The following PDZRN4 variants were observed in gnomAD, a reference collection of about 807,000 sequenced individuals.
PDZRN4 encodes PDZ domain containing ring finger 4, also known as PDZ domain-containing RING finger protein 4.
Under a neutral mutation model 99.0 loss-of-function variants are expected in PDZRN4, and 70 were observed. The ratio of observed to expected loss-of-function variants is 0.71; its 90% CI spans 0.58 to 0.86. PDZRN4 has a LOEUF of 0.86. Among genes scored for constraint, PDZRN4 ranks in the 40% least tolerant of loss-of-function variants. The pLI, the probability that PDZRN4 is intolerant of heterozygous loss-of-function variation, is 0.00. For synonymous variants in PDZRN4, 551 were observed against 501.6 expected (o/e 1.10, Z -1.32); for missense variants, 1,474 against 1,331.2 (o/e 1.11, Z -1.67).
At chr12:41,452,538 AGAAGC>A (rs1592064867) in intron 3 of PDZRN4, among the ~76,000 whole-genome samples, 1 of 152,274 alleles carries the variant, frequency 6.6e-6, no homozygotes, top group East Asian at 1.9e-4. Context: ...GCTCCAAATA[AGAAGC>A]CATCATGCAT....
intron 3 of PDZRN4, among the ~76,000 whole-genome samples, chr12:41,212,563 A>G (rs1950895510): frequency 6.6e-6 from 1 of 152,022 alleles, no homozygotes; most frequent in South Asian, 2.1e-4. Context: ...TTTATCACTT[A>G]ATAAATGTTT....
chr12:41,447,471 TCTGA>T (rs1952739040), intron 3 of PDZRN4, among the ~76,000 whole-genome samples: 2 of 152,178 alleles, frequency 1.3e-5, no homozygotes, highest in Admixed American at 1.3e-4. Context: ...CAGTCTTCTC[TCTGA>T]CTGTGAGTTA....
chr12:41,334,086 C>T (rs746412822), intron 3 of PDZRN4, among the ~76,000 whole-genome samples: 9 of 152,146 alleles, frequency 5.9e-5, no homozygotes, highest in East Asian at 3.9e-4. Flanking sequence ...TATTTATGCA[C>T]GCCTCTTGGG....
At chr12:41,545,894 C>T (rs1455999225) in intron 5 of PDZRN4, among the ~76,000 whole-genome samples, 5 of 151,726 alleles carry the variant, frequency 3.3e-5, no homozygotes, top group East Asian at 1.9e-4. Context: ...AGAAGAGGTA[C>T]GAGATACCAG....
At chr12:41,274,222 A>T (rs1053375216) in intron 3 of PDZRN4, among the ~76,000 whole-genome samples, 5 of 152,124 alleles carry the variant, frequency 3.3e-5, no homozygotes, top group Non-Finnish European at 7.4e-5. Flanking sequence ...CAGGGTTTTT[A>T]AAAAAACAGA....
Position 41,245,876 on chromosome 12 carries a change from A to C in PDZRN4, c.843+51688A>C, listed in dbSNP as rs375982913. 1.4e-4 allele frequency among the ~76,000 whole-genome samples: 21 copies of C among 152,266 alleles called. 1 individual carries two copies. Among genetic ancestry groups the C allele is most frequent in the African/African-American group, 5.1e-4 (21 of 41,570 alleles). ...ATCTGCCCTGCAAAGAAACAGAACA[A>C]TGCCTGGGCTACAAATTAGATGTGG... On this transcript the variant is annotated intron_variant, in intron 3 of 9. Coordinates refer to ENST00000402685, the MANE Select transcript of PDZRN4 (RefSeq NM_001164595.2).
chr12:41,461,206 CT>C (rs5797736), intron 3 of PDZRN4, among the ~76,000 whole-genome samples: 1 of 149,866 alleles, frequency 6.7e-6, no homozygotes, highest in Non-Finnish European at 1.5e-5. Flanking sequence ...TATTACTTTC[CT>C]TTTTTTTTTC....
chr12:41,230,088 C>A (rs1037881074), intron 3 of PDZRN4, among the ~76,000 whole-genome samples: 1 of 151,734 alleles, frequency 6.6e-6, no homozygotes, highest in Admixed American at 6.6e-5. Context: ...AATCACAAAC[C>A]GGATAACATT....
intron 3 of PDZRN4, among the ~76,000 whole-genome samples, chr12:41,206,176 A>G (rs935878230): frequency 3.3e-5 from 5 of 152,004 alleles, no homozygotes; most frequent in Middle Eastern, 3.2e-3. Flanking sequence ...GCATGTATTT[A>G]TGATACACAC....
intron 5 of PDZRN4, among the ~76,000 whole-genome samples, chr12:41,531,607 T>G (rs1301119236): frequency 6.6e-6 from 1 of 152,138 alleles, no homozygotes; most frequent in Non-Finnish European, 1.5e-5. Flanking sequence ...TGTTCCCACC[T>G]AGGTCCGTGG....
chr12:41,309,558 C>CT (rs1951593105), intron 3 of PDZRN4, among the ~76,000 whole-genome samples: 1 of 152,142 alleles, frequency 6.6e-6, no homozygotes, highest in South Asian at 2.1e-4. Flanking sequence ...TCAACACATG[C>CT]TTTTTTGGGA....
intron 3 of PDZRN4, among the ~76,000 whole-genome samples, chr12:41,328,475 T>C (rs529247100): frequency 6.6e-6 from 1 of 152,230 alleles, no homozygotes; most frequent in Non-Finnish European, 1.5e-5. Flanking sequence ...GCTATGATAA[T>C]GCCACTACAC....
chr12:41,509,253 AAG>A (rs1357824002), intron 4 of PDZRN4, among the ~76,000 whole-genome samples: 1 of 152,112 alleles, frequency 6.6e-6, no homozygotes, highest in African/African-American at 2.4e-5. Flanking sequence ...TCCTTGATCA[AAG>A]AGGGGAAAAT....
intron 3 of PDZRN4, among the ~76,000 whole-genome samples, chr12:41,256,318 T>C (rs1951204032): frequency 6.6e-6 from 1 of 152,158 alleles, no homozygotes; most frequent in East Asian, 1.9e-4. Context: ...TTGATGATGT[T>C]GTATAATGTA....
At chr12:41,256,506 C>T (rs1951205372) in intron 3 of PDZRN4, among the ~76,000 whole-genome samples, 2 of 152,182 alleles carry the variant, frequency 1.3e-5, no homozygotes, top group African/African-American at 2.4e-5. Context: ...ATTGATCCCC[C>T]TATACACAAG....
intron 3 of PDZRN4, among the ~76,000 whole-genome samples, chr12:41,240,592 G>A (rs1424729441): frequency 6.6e-6 from 1 of 152,258 alleles, no homozygotes; most frequent in East Asian, 1.9e-4. Flanking sequence ...CTATAACAAA[G>A]TACCATAAAT....
chr12:41,498,015 G>T (rs954999592), intron 3 of PDZRN4, among the ~76,000 whole-genome samples: 4 of 151,546 alleles, frequency 2.6e-5, no homozygotes, highest in African/African-American at 9.7e-5. Flanking sequence ...AAAATTATGA[G>T]AATAAAAAAT....
intron 3 of PDZRN4, among the ~76,000 whole-genome samples, chr12:41,505,716 A>C (rs2120671937): frequency 6.6e-6 from 1 of 152,082 alleles, no homozygotes; most frequent in Middle Eastern, 3.4e-3. Context: ...GCTACCTTGG[A>C]GAGTCATGAA....
chr12:41,466,941 G>T (rs895042544), intron 3 of PDZRN4, among the ~76,000 whole-genome samples: 3 of 152,186 alleles, frequency 2.0e-5, no homozygotes, highest in Admixed American at 2.0e-4. Flanking sequence ...AGTGCACGCT[G>T]CTTCGCCTGA....
Sources: gnomAD v4.1 joint callset for allele counts (sites outside exome capture counted in the v4.1 genomes callset) on GRCh38, gnomAD v4.1.1 for gene constraint, MANE v1.5 for transcripts, NCBI Gene and HGNC (gene_info 2026-07-23, HGNC 2026-07-21) for gene names.